The following EZH2 variants were observed in gnomAD, a reference collection of about 807,000 sequenced individuals.
EZH2 encodes histone-lysine N-methyltransferase EZH2.
In EZH2, 18 loss-of-function variants were observed where a neutral mutation model predicts 98.4. The observed-to-expected ratio is 0.18, with a 90% CI of 0.13 to 0.27. EZH2 has a LOEUF of 0.27. Ranked by LOEUF, EZH2 falls within the 10% of genes least tolerant of loss-of-function variation. The pLI, the probability that EZH2 is intolerant of heterozygous loss-of-function variation, is 1.00. For missense variants in EZH2, 470 were observed against 935.1 expected, an observed-to-expected ratio of 0.50 and a Z score of 6.49; for synonymous variants, 338 against 312.3, an observed-to-expected ratio of 1.08 and a Z score of -0.87.
intron 1 of EZH2, among the ~76,000 whole-genome samples, chr7:148,873,554 T>A (rs1431520411): frequency 0.022 from 2,952 of 136,960 alleles, 63 homozygotes; most frequent in Non-Finnish European, 0.038. Context: ...TTTCATGCTC[T>A]TCATTTTTTT....
chr7:148,829,023 A>C (rs1230834842), intron 5 of EZH2, 143 bp from the exon 6 acceptor site: 19 of 869,712 alleles, frequency 2.2e-5, no homozygotes, highest in Non-Finnish European at 3.0e-5. Flanking sequence ...AGGAAAAGAT[A>C]AGATCATTTT....
chr7:148,817,493 A>G (rs1804872356), intron 10 of EZH2, 102 bp from the exon 11 acceptor site: 2 of 1,183,332 alleles, frequency 1.7e-6, no homozygotes, highest in Admixed American at 2.5e-5. Context: ...GATGAGGACA[A>G]CTCAAATCCA....
intron 4 of EZH2, 81 bp downstream of exon 4, chr7:148,832,553 A>C: frequency 1.3e-6 from 1 of 776,084 alleles, no homozygotes; most frequent in African/African-American, 1.7e-5. Context: ...GTCTTGATTC[A>C]CCTTGACAAT....
intron 1 of EZH2, among the ~76,000 whole-genome samples, chr7:148,863,656 G>A (rs1043304375): frequency 6.6e-6 from 1 of 151,982 alleles, no homozygotes; most frequent in Non-Finnish European, 1.5e-5. Context: ...TTCCTTAAAT[G>A]ACTCTATTGT....
intron 3 of EZH2, among the ~76,000 whole-genome samples, chr7:148,837,595 A>T (rs1052068151): frequency 1.3e-4 from 20 of 152,248 alleles, no homozygotes; most frequent in Non-Finnish European, 2.6e-4. Context: ...AAAAACTGCA[A>T]TGAGATAAAT....
In EZH2 at chr7:148,835,457, T is replaced by G. The variant is rs368998558; in HGVS notation, c.247-2707A>C. The stretch of plus-strand genomic sequence containing the variant: ...AAAAAAAAAGAAAATAGAGACATAA[T>G]GTAATAGGAGCATCTCCTCCAACAA... On this transcript the variant is annotated intron_variant, in intron 3 of 19. Transcript: ENST00000320356. Among the ~76,000 whole-genome samples, 16 of 150,650 alleles carry G rather than the reference T, an allele frequency of 1.1e-4. No individual in the cohort carries two copies. In the East Asian group the frequency reaches 2.9e-3, roughly 28 times the overall value.
At chr7:148,830,314 G>GCCA (rs1808988796) in intron 4 of EZH2, among the ~76,000 whole-genome samples, 1 of 152,136 alleles carries the variant, frequency 6.6e-6, no homozygotes, top group Admixed American at 6.5e-5. Flanking sequence ...GACACCATGA[G>GCCA]CCACCATGCC....
chr7:148,869,539 T>TACAAAGTGAG (rs1819024920), intron 1 of EZH2, among the ~76,000 whole-genome samples: 1 of 151,994 alleles, frequency 6.6e-6, no homozygotes, highest in Non-Finnish European at 1.5e-5. Context: ...GGCCTCACTT[T>TACAAAGTGAG]GTTGTCCAGG....
intron 1 of EZH2, among the ~76,000 whole-genome samples, chr7:148,868,098 G>A (rs553821641): frequency 2.9e-4 from 44 of 152,222 alleles, no homozygotes; most frequent in African/African-American, 1.1e-3. Context: ...TTATCTTCCT[G>A]TCTTGTTCTG....
At chr7:148,855,897 CA>C (rs34692092) in intron 1 of EZH2, among the ~76,000 whole-genome samples, 660 of 40,996 alleles carry the variant, frequency 0.016, 3 homozygotes, top group African/African-American at 0.046. Flanking sequence ...GACTCCATCT[CA>C]AAAAAAAAAA....
rs185972523 is a variant in EZH2, at chr7:148,859,800, G to A, written c.-7-12495C>T. On this transcript the variant is annotated intron_variant, in intron 1 of 19. Transcript: ENST00000320356. ...TTAGATTAAATATCCACTTAATGCA[G>A]GCTCAGTATATCCGCAACGCCTCAG... Among the ~76,000 whole-genome samples the A allele has an allele frequency of 2.4e-3, 368 of 152,252 alleles. 1 individual carries two copies. Among genetic ancestry groups the A allele is most frequent in the Non-Finnish European group, 4.4e-3 (302 of 68,024 alleles).
At chr7:148,821,328 A>G (rs1172836454) in intron 8 of EZH2, among the ~76,000 whole-genome samples, 1 of 152,216 alleles carries the variant, frequency 6.6e-6, no homozygotes, top group African/African-American at 2.4e-5. Context: ...TTTAATACCT[A>G]GAAATACTCA....
chr7:148,813,803 T>C (rs1323030155), intron 15 of EZH2, among the ~76,000 whole-genome samples, 156 bp downstream of exon 15: 2 of 152,130 alleles, frequency 1.3e-5, no homozygotes, highest in Admixed American at 1.3e-4. Context: ...CAAGGGTGCA[T>C]TACCCAGAGA....
At chr7:148,814,889 T>C (rs201701140) in intron 14 of EZH2, 25 bp downstream of exon 14, 42 of 1,607,496 alleles carry the variant, frequency 2.6e-5, no homozygotes, top group Middle Eastern at 2.2e-4. Flanking sequence ...TCTCATGCAA[T>C]TGCATCAAAG....
chr7:148,866,817 T>C (rs1341687120), intron 1 of EZH2, among the ~76,000 whole-genome samples: 2 of 149,648 alleles, frequency 1.3e-5, no homozygotes, highest in Non-Finnish European at 3.0e-5. Context: ...TGGGTTCAAG[T>C]GATTCTCCCA....
At chr7:148,868,373 A>C (rs1440586579) in intron 1 of EZH2, among the ~76,000 whole-genome samples, 2 of 152,238 alleles carry the variant, frequency 1.3e-5, no homozygotes, top group African/African-American at 4.8e-5. Flanking sequence ...AGGGGAAGCC[A>C]GCACATTATA....
chr7:148,832,738 T>A lies in EZH2; in HGVS notation c.259A>T (p.Ser87Cys). ...LRGTRECSVT[S>C]DLDFPTQVIP... Reference sequence around the variant, plus strand: ...ACTTGTGTTGGAAAATCCAAGTCACTGGTCACCGAACACTAAAACAGAAAA... The same window carrying A: ...ACTTGTGTTGGAAAATCCAAGTCACAGGTCACCGAACACTAAAACAGAAAA... The change falls in exon 4 of 20, where the codon AGT becomes TGT. Residue 87 changes from serine to cysteine, a missense_variant. Physicochemically the swap from Ser to Cys is moderately radical, Grantham distance 112. This residue lies in a region of EZH2 where 79 missense variants were observed against 122.1 expected (regional missense o/e 0.65). Transcript: ENST00000320356. 6.2e-7 allele frequency: 1 copy of A among 1,606,054 alleles called. No individual in the cohort carries two copies. The highest frequency in any genetic ancestry group is 8.5e-7 in the Non-Finnish European group (1 of 1,174,572).
chr7:148,880,838 A>G (rs1467674843), intron 1 of EZH2, among the ~76,000 whole-genome samples: 2 of 152,238 alleles, frequency 1.3e-5, no homozygotes, highest in African/African-American at 4.8e-5. Flanking sequence ...ATACAAAGAA[A>G]AAAATAAGAC....
intron 7 of EZH2, among the ~76,000 whole-genome samples, chr7:148,826,916 A>G (rs1807874587): frequency 1.3e-5 from 2 of 152,232 alleles, no homozygotes; most frequent in African/African-American, 4.8e-5. Flanking sequence ...TAAATGTACT[A>G]CTGTAAATTT....
Sources: gnomAD v4.1 joint callset for allele counts (sites outside exome capture counted in the v4.1 genomes callset) on GRCh38, gnomAD v4.1.1 for gene constraint, gnomAD v4.1.1 regional missense constraint, MANE v1.5 for transcripts, NCBI Gene and HGNC (gene_info 2026-07-23, HGNC 2026-07-21) for gene names.